TXN: variants seen among roughly 807,000 people sequenced by gnomAD.
TXN encodes ADF.
A neutral mutation model predicts 16.5 loss-of-function variants in TXN; 10 were observed. The ratio of observed to expected loss-of-function variants is 0.61; its 90% CI spans 0.37 to 1.03. TXN has a LOEUF of 1.03. Ranked by LOEUF, TXN falls within the 50% of genes least tolerant of loss-of-function variation. The pLI, the probability that TXN is intolerant of heterozygous loss-of-function variation, is 0.01. For synonymous variants in TXN, 35 were observed against 39.4 expected (o/e 0.89, Z 0.42); for missense variants, 71 against 122.5 (o/e 0.58, Z 1.98).
chr9:110,249,315 A>G (rs966570699), intron 3 of TXN, among the ~76,000 whole-genome samples: 14 of 151,854 alleles, frequency 9.2e-5, no homozygotes, highest in Admixed American at 7.9e-4. Context: ...TTTAAAAAAA[A>G]AAAAACAACT....
intron 3 of TXN, among the ~76,000 whole-genome samples, chr9:110,249,125 C>CAAAAAAAAAAAAAAAA (rs71302631): frequency 3.7e-5 from 2 of 53,848 alleles, no homozygotes; most frequent in African/African-American, 1.4e-4. Flanking sequence ...AACTCCATCT[C>CAAAAAAAAAAAAAAAA]AAAAAAAAAA....
chr9:110,255,361 C>T (rs1049268964), intron 1 of TXN, among the ~76,000 whole-genome samples: 8 of 152,238 alleles, frequency 5.3e-5, no homozygotes, highest in African/African-American at 1.7e-4. Context: ...CTAGACACTG[C>T]GCGTTAGGCT....
At chr9:110,251,314 A>G (rs1388733834) in intron 2 of TXN, 44 bp downstream of exon 2, 1 of 1,495,580 alleles carries the variant, frequency 6.7e-7, no homozygotes, top group Non-Finnish European at 9.3e-7. Context: ...CACCAACTCA[A>G]AAAACACAAA....
chr9:110,245,655 T>TATATATATATATA (rs1491112333), intron 3 of TXN, among the ~76,000 whole-genome samples: 10 of 13,174 alleles, frequency 7.6e-4, no homozygotes, highest in Non-Finnish European at 1.1e-3. Context: ...TATATATATA[T>TATATATATATATA]TTTTTTTTTT....
chr9:110,254,605 T>C (rs4135168), intron 1 of TXN, among the ~76,000 whole-genome samples: 38,154 of 152,192 alleles, frequency 0.25, 5,002 homozygotes, highest in African/African-American at 0.27. Flanking sequence ...TGAGGATTAA[T>C]TGATTATCAG....
At chr9:110,251,310 C>T in intron 2 of TXN, 48 bp downstream of exon 2, 2 of 1,440,350 alleles carry the variant, frequency 1.4e-6, no homozygotes, top group Non-Finnish European at 2.0e-6. Context: ...TGACCACCAA[C>T]TCAAAAAACA....
intron 1 of TXN, among the ~76,000 whole-genome samples, chr9:110,255,625 C>G (rs4135162): frequency 0.013 from 1,932 of 152,332 alleles, 28 homozygotes; most frequent in Non-Finnish European, 0.022. Flanking sequence ...CATTCCAAAG[C>G]CACTGCTGCC....
Position 110,250,774 on chromosome 9 carries a change from G to T in TXN, c.189+46C>A, listed in dbSNP as rs144801815. The T allele has an allele frequency of 6.5e-4, 912 of 1,397,706 alleles. 8 individuals carry two copies. In the African/African-American group the frequency reaches 0.012, roughly 18 times the overall value. The allele number at this position is 1,397,706 out of a possible 1,614,324, so 86.6% of individuals were successfully genotyped here. Reference sequence around the variant, plus strand: ...AGCACTGTGCAATTCAGAGAAAAAGGCCAATGTGAAAAGCTCAGCAGTATC... The same window carrying T: ...AGCACTGTGCAATTCAGAGAAAAAGTCCAATGTGAAAAGCTCAGCAGTATC... On this transcript the variant is annotated intron_variant, in intron 3 of 4. Coordinates refer to ENST00000374517, the MANE Select transcript of TXN (RefSeq NM_003329.4).
At position 110,247,929 on chromosome 9, in the gene TXN, T is replaced by G. The variant is rs4135206; in HGVS notation, c.189+2891A>C. Among the ~76,000 whole-genome samples the G allele has an allele frequency of 4.7e-3, 716 of 152,246 alleles. 11 individuals carry two copies. Among genetic ancestry groups the G allele is most frequent in the African/African-American group, 0.016 (668 of 41,542 alleles). On this transcript the variant is annotated intron_variant, in intron 3 of 4. Coordinates refer to ENST00000374517, the MANE Select transcript of TXN (RefSeq NM_003329.4). The stretch of plus-strand genomic sequence containing the variant: ...CTGAAGACCTTTCTGTGAGACAAGA[T>G]GTGGGGATGGGAGACAGTGATACTG...
At chr9:110,254,035 G>GTAGGTGTCAA (rs1474045560) in intron 1 of TXN, among the ~76,000 whole-genome samples, 1 of 152,086 alleles carries the variant, frequency 6.6e-6, no homozygotes, top group Non-Finnish European at 1.5e-5. Context: ...TCAATAAATG[G>GTAGGTGTCAA]TAGGTGTCAT....
chr9:110,256,271 C>T lies in TXN; in HGVS notation c.24+141G>A. ...CTTCCCGCAGTCCCAGGCCGAGACG[C>T]CGCGTCCCTTTCCCCTGGCGATGCG... On this transcript the variant is annotated intron_variant, in intron 1 of 4. Coordinates refer to ENST00000374517, the MANE Select transcript of TXN (RefSeq NM_003329.4). The surrounding 1 kb of genome is among the most constrained non-coding windows in gnomAD (Gnocchi z 4.2). 1 of 957,350 alleles carries T rather than the reference C, an allele frequency of 1.0e-6. No individual in the cohort carries two copies. The highest frequency in any genetic ancestry group is 2.1e-5 in the Admixed American group (1 of 48,414). The allele number at this position is 957,350 out of a possible 1,614,324, so 59.3% of individuals were successfully genotyped here.
At chr9:110,250,042 C>A (rs1270347370) in intron 3 of TXN, among the ~76,000 whole-genome samples, 1 of 152,160 alleles carries the variant, frequency 6.6e-6, no homozygotes, top group Non-Finnish European at 1.5e-5. Flanking sequence ...GTGCTAAGCA[C>A]CCGATCTACA....
chr9:110,250,458 C>A (rs1028876994), intron 3 of TXN, among the ~76,000 whole-genome samples: 6 of 152,224 alleles, frequency 3.9e-5, no homozygotes, highest in African/African-American at 1.4e-4. Flanking sequence ...AAGAGCCCTA[C>A]AAGCGGTCTC....
intron 3 of TXN, among the ~76,000 whole-genome samples, chr9:110,245,597 A>G (rs1401052508): frequency 9.0e-5 from 7 of 77,372 alleles, no homozygotes; most frequent in African/African-American, 3.3e-4. Context: ...GTGTGTGTAT[A>G]TATATACACA....
chr9:110,246,688 C>T (rs1319146439), intron 3 of TXN, among the ~76,000 whole-genome samples: 1 of 152,122 alleles, frequency 6.6e-6, no homozygotes, highest in African/African-American at 2.4e-5. Context: ...GTGGGTGGCA[C>T]TACTGTTGAG....
chr9:110,253,674 GAA>G (rs4135181), intron 1 of TXN, among the ~76,000 whole-genome samples: 5,934 of 152,224 alleles, frequency 0.039, 168 homozygotes, highest in East Asian at 0.076. Flanking sequence ...CTAAAATTCT[GAA>G]AAGAGGCACG....
intron 3 of TXN, among the ~76,000 whole-genome samples, chr9:110,245,654 A>ATATATATATATATATTTTTTTT (rs1232332404): frequency 4.6e-5 from 1 of 21,786 alleles, no homozygotes; most frequent in Non-Finnish European, 7.5e-5. Context: ...ATATATATAT[A>ATATATATATATATATTTTTTTT]TTTTTTTTTT....
At position 110,256,460 on chromosome 9, in the gene TXN, G is replaced by A; in HGVS notation, c.-25C>T. 1.9e-6 allele frequency: 3 copies of A among 1,603,308 alleles called. No homozygotes were observed. The highest frequency in any genetic ancestry group is 2.6e-6 in the Non-Finnish European group (3 of 1,175,080). On this transcript the variant is annotated 5_prime_UTR_variant, in exon 1 of 5. Coordinates refer to ENST00000374517, the MANE Select transcript of TXN (RefSeq NM_003329.4). This position sits in a 1 kb window ranked among gnomAD's most constrained non-coding sequence, Gnocchi z 4.2. ...TCTTGGCTGCTGGAGTCTGACGAGC[G>A]GCTGTAAGGACCGATGGAAATGGAT...
At chr9:110,255,818 C>A (rs1035130460) in intron 1 of TXN, among the ~76,000 whole-genome samples, 1 of 152,206 alleles carries the variant, frequency 6.6e-6, no homozygotes, top group Non-Finnish European at 1.5e-5. Flanking sequence ...TGGGTGGAGG[C>A]AGGCGGGGGT....
Sources: allele counts gnomAD v4.1 joint callset (sites outside exome capture counted in the v4.1 genomes callset), GRCh38; gene constraint gnomAD v4.1.1; non-coding constraint Gnocchi (gnomAD v3.1); transcripts MANE v1.5; gene names NCBI Gene and HGNC (gene_info 2026-07-23, HGNC 2026-07-21).